The following PNOC variants were observed in gnomAD, a reference collection of about 807,000 sequenced individuals.
PNOC encodes the protein prepronociceptin.
PNOC carries 10 observed loss-of-function variants against 15.6 expected under a neutral mutation model. That is an observed-to-expected ratio of 0.64 (90% confidence interval 0.40 to 1.09). The LOEUF is 1.09. Among genes scored for constraint, PNOC ranks in the 50% least tolerant of loss-of-function variants. The pLI, the probability that PNOC is intolerant of heterozygous loss-of-function variation, is 0.01. For synonymous variants in PNOC, 98 were observed against 88.5 expected (o/e 1.11, Z -0.60); for missense variants, 220 against 223.9 (o/e 0.98, Z 0.11).
intron 2 of PNOC, among the ~76,000 whole-genome samples, chr8:28,333,990 G>A (rs563875674): frequency 1.3e-5 from 2 of 152,078 alleles, no homozygotes; most frequent in East Asian, 1.9e-4. Context: ...TATTTGTTGT[G>A]GGGGTTGTCC....
intron 2 of PNOC, among the ~76,000 whole-genome samples, chr8:28,330,400 T>TTTTTTTTTTTTATTTTTTA (rs1801309416): frequency 9.8e-6 from 1 of 102,228 alleles, no homozygotes. Context: ...TATTTTATTT[T>TTTTTTTTTTTTATTTTTTA]TTTTTTTTTT....
chr8:28,327,105 A>G (rs1801237610), intron 1 of PNOC, among the ~76,000 whole-genome samples: 1 of 152,238 alleles, frequency 6.6e-6, no homozygotes, highest in Admixed American at 6.5e-5. Flanking sequence ...GTAAATGTAC[A>G]ACTCAATGGG....
At chr8:28,334,049 AACAC>A (rs71678743) in intron 2 of PNOC, among the ~76,000 whole-genome samples, 18,079 of 146,842 alleles carry the variant, frequency 0.12, 1,363 homozygotes, top group African/African-American at 0.22. Flanking sequence ...AGGTGCCAGT[AACAC>A]ACACACACAC....
intron 1 of PNOC, among the ~76,000 whole-genome samples, chr8:28,323,486 G>A (rs1462443757): frequency 1.3e-5 from 2 of 152,208 alleles, no homozygotes; most frequent in East Asian, 3.8e-4. Context: ...GAGGCTCACA[G>A]AAGTGAAATA....
intron 1 of PNOC, 148 bp from the exon 2 acceptor site, chr8:28,328,987 C>T: frequency 1.4e-6 from 1 of 728,138 alleles, no homozygotes; most frequent in South Asian, 1.7e-5. Flanking sequence ...CAATTTACAC[C>T]CCTGCAAAGT....
At chr8:28,342,698 C>T (rs1164390723) in intron 3 of PNOC, among the ~76,000 whole-genome samples, 1 of 152,236 alleles carries the variant, frequency 6.6e-6, no homozygotes, top group Non-Finnish European at 1.5e-5. Flanking sequence ...GGGCTTGCCA[C>T]TGTGCCTATC....
intron 1 of PNOC, among the ~76,000 whole-genome samples, chr8:28,320,680 C>G (rs532720427): frequency 6.6e-6 from 1 of 151,818 alleles, no homozygotes; most frequent in Non-Finnish European, 1.5e-5. Context: ...GAAACCCCGT[C>G]TCTACTAAAA....
At chr8:28,325,504 T>A (rs1178572220) in intron 1 of PNOC, among the ~76,000 whole-genome samples, 2 of 151,470 alleles carry the variant, frequency 1.3e-5, no homozygotes, top group Admixed American at 1.3e-4. Flanking sequence ...AACACAAAAA[T>A]TAGCTGGATG....
intron 3 of PNOC, among the ~76,000 whole-genome samples, chr8:28,342,545 G>T (rs1801540153): frequency 6.6e-6 from 1 of 152,004 alleles, no homozygotes; most frequent in Non-Finnish European, 1.5e-5. Flanking sequence ...ACCCTTCTAG[G>T]CAATGGAAAC....
Position 28,339,433 on chromosome 8 carries a change from G to A in PNOC, c.520G>A (p.Gly174Ser). The change falls in exon 3 of 4, where the codon GGT (glycine) becomes AGT (serine). Residue 174 changes from glycine to serine, a missense_variant. Gly to Ser is a moderately conservative substitution (Grantham distance 56). Transcript: ENST00000301908. ...SQRRRTLHQN[G>S]NV Reference sequence around the variant, plus strand: ...GCGCCGGCGCACCCTGCACCAGAATGGTAATGTGTAGCCGGAAGGGGCGCT... The same window carrying A: ...GCGCCGGCGCACCCTGCACCAGAATAGTAATGTGTAGCCGGAAGGGGCGCT... 1 of 1,533,660 alleles carries A rather than the reference G, an allele frequency of 6.5e-7. No homozygotes were observed. The highest frequency in any genetic ancestry group is 8.8e-7 in the Non-Finnish European group (1 of 1,136,360).
chr8:28,335,631 G>A (rs545444855), intron 2 of PNOC, among the ~76,000 whole-genome samples: 2 of 152,206 alleles, frequency 1.3e-5, no homozygotes, highest in Admixed American at 6.5e-5. Context: ...AGGTTGAAGC[G>A]ATTCTCCTGC....
intron 1 of PNOC, among the ~76,000 whole-genome samples, chr8:28,326,753 G>A (rs1268769640): frequency 2.6e-5 from 4 of 152,138 alleles, no homozygotes; most frequent in African/African-American, 7.2e-5. Flanking sequence ...CCAGCCACTC[G>A]GGAGGCTGTG....
At chr8:28,339,889 T>G (rs1801486565) in intron 3 of PNOC, 1 of 155,214 alleles carries the variant, frequency 6.4e-6, no homozygotes. Flanking sequence ...TCTTAGCCAT[T>G]AGCAGAGTCC....
At chr8:28,331,500 A>G (rs1244140382) in intron 2 of PNOC, among the ~76,000 whole-genome samples, 7 of 151,992 alleles carry the variant, frequency 4.6e-5, no homozygotes, top group Non-Finnish European at 1.0e-4. Flanking sequence ...GAACCCACCC[A>G]TACATCCCAG....
At chr8:28,328,846 G>A (rs543037332) in intron 1 of PNOC, among the ~76,000 whole-genome samples, 7 of 152,110 alleles carry the variant, frequency 4.6e-5, no homozygotes, top group Admixed American at 1.3e-4. Context: ...ATGAGGTGTC[G>A]AGGCCAGCCA....
chr8:28,325,535 C>T (rs1801210502), intron 1 of PNOC, among the ~76,000 whole-genome samples: 1 of 151,708 alleles, frequency 6.6e-6, no homozygotes, highest in Non-Finnish European at 1.5e-5. Context: ...CACCTGTAAT[C>T]TTGCTACTCA....
intron 1 of PNOC, among the ~76,000 whole-genome samples, chr8:28,325,700 A>C (rs1801215047): frequency 6.7e-6 from 1 of 149,334 alleles, no homozygotes; most frequent in Non-Finnish European, 1.5e-5. Context: ...AGACATTAAG[A>C]GGCTGATACA....
Position 28,320,666 on chromosome 8 carries a change from C to T in PNOC, c.-24+3350C>T, listed in dbSNP as rs372866935. Among the ~76,000 whole-genome samples, 718 of 151,898 alleles carry T rather than the reference C, an allele frequency of 4.7e-3. 4 individuals carry two copies. The highest frequency in any genetic ancestry group is 0.015 in the African/African-American group (625 of 41,402). ...GAGATCAAGACCATCCCGGCTAACA[C>T]GGTGAAACCCCGTCTCTACTAAAAA... On this transcript the variant is annotated intron_variant, in intron 1 of 3. Transcript: ENST00000301908.
At chr8:28,322,045 G>T (rs192179966) in intron 1 of PNOC, among the ~76,000 whole-genome samples, 88 of 152,304 alleles carry the variant, frequency 5.8e-4, no homozygotes, top group African/African-American at 1.9e-3. Context: ...CATGCAGCTG[G>T]TGCATAATGA....
Sources: allele counts gnomAD v4.1 joint callset (sites outside exome capture counted in the v4.1 genomes callset), GRCh38; gene constraint gnomAD v4.1.1; transcripts MANE v1.5; gene names NCBI Gene and HGNC (gene_info 2026-07-23, HGNC 2026-07-21).